MYO10: variants seen among roughly 807,000 people sequenced by gnomAD.
MYO10 encodes unconventional myosin-X.
In MYO10, 133 loss-of-function variants were observed where a neutral mutation model predicts 257.3. The ratio of observed to expected loss-of-function variants is 0.52; its 90% CI spans 0.45 to 0.60. The LOEUF is 0.60. MYO10 is among the 20% of genes least tolerant of loss of function. The pLI, the probability that MYO10 is intolerant of heterozygous loss-of-function variation, is 0.00. For synonymous variants in MYO10, 1,104 were observed against 1,028.6 expected, an observed-to-expected ratio of 1.07 and a Z score of -1.40; for missense variants, 2,399 against 2,635.7, an observed-to-expected ratio of 0.91 and a Z score of 1.97.
chr5:16,925,658 C>T (rs1229880711), intron 1 of MYO10, among the ~76,000 whole-genome samples: 5 of 151,976 alleles, frequency 3.3e-5, no homozygotes, highest in Admixed American at 6.5e-5. Flanking sequence ...GTGATCCACC[C>T]GCCTCGGCAT....
At chr5:16,844,958 A>ACG (rs1382894145) in intron 2 of MYO10, among the ~76,000 whole-genome samples, 16 of 150,214 alleles carry the variant, frequency 1.1e-4, no homozygotes, top group African/African-American at 3.7e-4. Context: ...ACACACGCAC[A>ACG]CACACACACA....
chr5:16,899,787 C>G (rs1745325256), intron 1 of MYO10, among the ~76,000 whole-genome samples: 1 of 152,044 alleles, frequency 6.6e-6, no homozygotes, highest in Non-Finnish European at 1.5e-5. Flanking sequence ...CACCTGATGT[C>G]AAGAGTTCAG....
intron 32 of MYO10, 115 bp downstream of exon 32, chr5:16,681,194 C>T (rs554347281): frequency 3.4e-6 from 4 of 1,167,930 alleles, no homozygotes; most frequent in Non-Finnish European, 4.8e-6. Context: ...ACCAAGAGGA[C>T]AACTTCTTTG....
At chr5:16,801,716 T>C (rs1742126361) in intron 3 of MYO10, among the ~76,000 whole-genome samples, 2 of 152,238 alleles carry the variant, frequency 1.3e-5, no homozygotes, top group African/African-American at 4.8e-5. Context: ...TCATAACATG[T>C]CCGGCATCTG....
Position 16,774,089 on chromosome 5 carries a change from A to G in MYO10, c.931-4886T>C, listed in dbSNP as rs193117894. On this transcript the variant is annotated intron_variant, in intron 9 of 40. Transcript: ENST00000513610. Reference sequence around the variant, plus strand: ...AAGAGTAGCCACTTCAAGGCTTATTATAATTAGTATTTCAACACTAGGCTT... The same window carrying G: ...AAGAGTAGCCACTTCAAGGCTTATTGTAATTAGTATTTCAACACTAGGCTT... 4.7e-3 allele frequency among the ~76,000 whole-genome samples: 712 copies of G among 152,328 alleles called. 2 individuals carry two copies. The highest frequency in any genetic ancestry group is 0.017 in the Middle Eastern group (5 of 294).
chr5:16,772,958 T>C (rs994483419), intron 9 of MYO10, among the ~76,000 whole-genome samples: 1 of 152,190 alleles, frequency 6.6e-6, no homozygotes, highest in African/African-American at 2.4e-5. Context: ...GAGAAACTTT[T>C]GGGGCAGAGG....
chr5:16,796,478 GA>G (rs372210082), intron 3 of MYO10, among the ~76,000 whole-genome samples: 37 of 47,452 alleles, frequency 7.8e-4, no homozygotes, highest in African/African-American at 2.0e-3. Context: ...GAAAAGAAAA[GA>G]AAAGAAAGAA....
chr5:16,680,672 A>T (rs188747698), intron 32 of MYO10, among the ~76,000 whole-genome samples: 40 of 152,326 alleles, frequency 2.6e-4, no homozygotes, highest in African/African-American at 9.4e-4. Flanking sequence ...TCATAATACT[A>T]CAAAAATTAC....
At chr5:16,908,910 A>C (rs968316260) in intron 1 of MYO10, among the ~76,000 whole-genome samples, 4 of 152,234 alleles carry the variant, frequency 2.6e-5, no homozygotes, top group Admixed American at 6.5e-5. Flanking sequence ...TGAAATATCC[A>C]GAACAGATAA....
chr5:16,932,952 T>C (rs1274801312), intron 1 of MYO10, among the ~76,000 whole-genome samples: 1 of 152,008 alleles, frequency 6.6e-6, no homozygotes, highest in Non-Finnish European at 1.5e-5. Flanking sequence ...AGAGATGAGG[T>C]TTCACCATGT....
intron 2 of MYO10, among the ~76,000 whole-genome samples, chr5:16,875,088 C>T (rs1332560900): frequency 6.6e-6 from 1 of 152,152 alleles, no homozygotes; most frequent in Non-Finnish European, 1.5e-5. Flanking sequence ...AATTACCTCC[C>T]CCTGGGTCCC....
chr5:16,709,319 C>T (rs957480012), intron 21 of MYO10, among the ~76,000 whole-genome samples: 1 of 152,116 alleles, frequency 6.6e-6, no homozygotes, highest in African/African-American at 2.4e-5. Context: ...CCTCAGGTGG[C>T]CCCCAGTGGG....
At chr5:16,914,422 T>C (rs897108551) in intron 1 of MYO10, among the ~76,000 whole-genome samples, 1 of 152,222 alleles carries the variant, frequency 6.6e-6, no homozygotes, top group Non-Finnish European at 1.5e-5. Context: ...CAGTATCAGA[T>C]AGCGGTCAGC....
At chr5:16,934,727 C>G (rs1251880482) in intron 1 of MYO10, among the ~76,000 whole-genome samples, 1 of 152,152 alleles carries the variant, frequency 6.6e-6, no homozygotes, top group Non-Finnish European at 1.5e-5. Flanking sequence ...ATCACTTTGG[C>G]CAGTATGAAT....
intron 1 of MYO10, among the ~76,000 whole-genome samples, chr5:16,882,209 C>G (rs140151170): frequency 6.6e-6 from 1 of 152,112 alleles, no homozygotes; most frequent in South Asian, 2.1e-4. Flanking sequence ...TTTCTTCAAA[C>G]GTAAGGTTCA....
At chr5:16,762,401 G>A (rs1346987879) in intron 15 of MYO10, 144 bp downstream of exon 15, 2 of 740,958 alleles carry the variant, frequency 2.7e-6, no homozygotes, top group East Asian at 5.5e-5. Flanking sequence ...TTTAGTTCTA[G>A]TAATAGAAGA....
At chr5:16,861,564 C>G (rs993533299) in intron 2 of MYO10, among the ~76,000 whole-genome samples, 9 of 152,028 alleles carry the variant, frequency 5.9e-5, no homozygotes, top group African/African-American at 2.2e-4. Flanking sequence ...AAGAGTGAAA[C>G]TCCATCTCAA....
At chr5:16,685,893 G>A (rs961183729) in intron 28 of MYO10, 62 bp from the exon 29 acceptor site, 14 of 1,275,026 alleles carry the variant, frequency 1.1e-5, no homozygotes, top group South Asian at 1.0e-4. Flanking sequence ...AAGCAATAGT[G>A]CCCTACTGCA....
intron 2 of MYO10, among the ~76,000 whole-genome samples, chr5:16,822,938 C>T (rs1053847191): frequency 6.6e-6 from 1 of 151,914 alleles, no homozygotes; most frequent in Non-Finnish European, 1.5e-5. Context: ...CCGCCCGCCT[C>T]GGCCTCCCAA....
Sources: gnomAD v4.1 joint callset for allele counts (sites outside exome capture counted in the v4.1 genomes callset) on GRCh38, gnomAD v4.1.1 for gene constraint, MANE v1.5 for transcripts, NCBI Gene and HGNC (gene_info 2026-07-23, HGNC 2026-07-21) for gene names.